Variants in PLCB2 observed in about 807,000 individuals in gnomAD.
The protein encoded by PLCB2 is 1-phosphatidylinositol 4,5-bisphosphate phosphodiesterase beta-2.
Under a neutral mutation model 141.7 loss-of-function variants are expected in PLCB2, and 115 were observed. That is an observed-to-expected ratio of 0.81 (90% confidence interval 0.70 to 0.95). PLCB2 has a LOEUF of 0.95. PLCB2 is among the 40% of genes least tolerant of loss of function. The pLI, the probability that PLCB2 is intolerant of heterozygous loss-of-function variation, is 0.00. For missense variants in PLCB2, 1,403 were observed against 1,541.1 expected (o/e 0.91, Z 1.50); for synonymous variants, 603 against 595.6 (o/e 1.01, Z -0.18).
intron 1 of PLCB2, 75 bp from the exon 2 acceptor site, chr15:40,304,153 G>T: frequency 1.0e-6 from 1 of 992,904 alleles, no homozygotes; most frequent in South Asian, 1.4e-5. Context: ...AGGGGTTTCA[G>T]AGCTCATTAT....
At chr15:40,302,841 C>G (rs1167789537) in intron 3 of PLCB2, among the ~76,000 whole-genome samples, 1 of 152,202 alleles carries the variant, frequency 6.6e-6, no homozygotes, top group Non-Finnish European at 1.5e-5. Flanking sequence ...GCGGGGAGGC[C>G]GGCCTGGGAG....
downstream of PLCB2, chr15:40,285,945 TG>T (rs892079573): frequency 3.0e-6 from 3 of 985,304 alleles, no homozygotes; most frequent in South Asian, 9.4e-5. Flanking sequence ...GAAGAAGAGT[TG>T]GGGCAGAAAG....
chr15:40,303,149 C>G (rs1223469952), intron 3 of PLCB2, 139 bp downstream of exon 3: 4 of 692,274 alleles, frequency 5.8e-6, no homozygotes, highest in Non-Finnish European at 1.0e-5. Flanking sequence ...TGGCTTCCAG[C>G]CACGGTCCTT....
chr15:40,292,263 A>C (rs1595641658), intron 22 of PLCB2, 76 bp downstream of exon 22: 1 of 1,503,524 alleles, frequency 6.7e-7, no homozygotes, highest in Non-Finnish European at 9.2e-7. Context: ...ATCCCACCCC[A>C]ACTCTGGAAG....
At chr15:40,306,095 T>A (rs1178792837) in intron 1 of PLCB2, among the ~76,000 whole-genome samples, 1 of 152,144 alleles carries the variant, frequency 6.6e-6, no homozygotes, top group Non-Finnish European at 1.5e-5. Flanking sequence ...GGGGAGAGCT[T>A]CTCCTACCAA....
rs369876928 is a variant in PLCB2, at chr15:40,296,646, A to G, written c.1487-12T>C. 6.0e-4 allele frequency: 962 copies of G among 1,612,632 alleles called. 2 individuals carry two copies. Among genetic ancestry groups the G allele is most frequent in the South Asian group, 1.5e-3 (135 of 90,996 alleles). On this transcript the variant is annotated splice_polypyrimidine_tract_variant and intron_variant, in intron 14 of 31. Transcript: ENST00000260402. ...CTCGCCAGCCCACACTGCCACATAC[A>G]GCTCTGTCGGCACTGGCTCCTGCAT...
downstream of PLCB2, chr15:40,284,676 C>T: frequency 1.5e-5 from 6 of 403,372 alleles, no homozygotes; most frequent in South Asian, 7.1e-5. Flanking sequence ...CCCGTCTCTA[C>T]TAAAAATACA....
downstream of PLCB2, among the ~76,000 whole-genome samples, chr15:40,285,172 C>T (rs536603764): frequency 2.6e-5 from 4 of 152,352 alleles, no homozygotes; most frequent in South Asian, 8.3e-4. Context: ...AGCAGAGGCT[C>T]CCACTCCCCT....
Position 40,291,413 on chromosome 15 carries a change from C to G in PLCB2, c.2722G>C (p.Glu908Gln). The G allele has an allele frequency of 6.5e-7, 1 of 1,537,726 alleles. No individual in the cohort carries two copies. Among genetic ancestry groups the G allele is most frequent in the Non-Finnish European group, 8.7e-7 (1 of 1,147,204 alleles). The change falls in exon 26 of 32, where the codon GAG becomes CAG. Residue 908 changes from glutamate (E) to glutamine (Q), a missense_variant. Transcript: ENST00000260402. ...VVKLQRRHEK[E>Q]LRELERRGAR... is the part of the protein sequence containing the mutation. ...CCGCGCCGCTCCAACTCTCGCAGCT[C>G]CTTCTCGTGCCGCCGCTGCAGCTTC...
At chr15:40,291,678 G>T in intron 24 of PLCB2, 28 bp from the exon 25 acceptor site, 1 of 1,611,044 alleles carries the variant, frequency 6.2e-7, no homozygotes. Flanking sequence ...TGGGCTGTCA[G>T]GTGCTCTGGG....
At chr15:40,301,336 G>C in intron 7 of PLCB2, 1 of 572,796 alleles carries the variant, frequency 1.7e-6, no homozygotes, top group Non-Finnish European at 3.1e-6. Context: ...CCATTGGCCA[G>C]GCTTGAAGCC....
downstream of PLCB2, among the ~76,000 whole-genome samples, chr15:40,287,097 G>A (rs1164780845): frequency 6.6e-6 from 1 of 152,174 alleles, no homozygotes; most frequent in Non-Finnish European, 1.5e-5. Context: ...CCAGTGCCTG[G>A]CAGAAGGGTT....
intron 1 of PLCB2, among the ~76,000 whole-genome samples, chr15:40,305,429 A>G (rs1013961459): frequency 2.0e-5 from 3 of 152,086 alleles, no homozygotes; most frequent in African/African-American, 7.2e-5. Context: ...CAGGAGACCA[A>G]GTGGACTACA....
chr15:40,300,818 A>G (rs2040466253), intron 7 of PLCB2: 2 of 152,222 alleles, frequency 1.3e-5, no homozygotes, highest in African/African-American at 4.8e-5. Flanking sequence ...ATCACACTGG[A>G]AGGCCAACAT....
At chr15:40,289,927 AAGAGAGAGAGAGAGAGAGAGAGAGAGAG>A (rs58167971) in intron 30 of PLCB2, 70 bp downstream of exon 30, 70 of 544,344 alleles carry the variant, frequency 1.3e-4, no homozygotes, top group Admixed American at 2.8e-4. Context: ...CCTACTTGTG[AAGAGAGAGAGAGAGAGAGAGAGAGAGAG>A]AGAGAGAGAG....
rs779577620 is a variant in PLCB2 at position 40,291,318 on chromosome 15, C to T, written c.2817G>A (p.Val939=). The T allele has an allele frequency of 7.1e-6, 11 of 1,542,414 alleles. No homozygotes were observed. In the African/African-American group the frequency reaches 1.4e-4, roughly 19 times the overall value. The part of the protein sequence containing the change: ...AQLAELGPPG[V]GGVGACKLGP... ...CGAGCTTGCAGGCCCCGACGCCCCC[C>T]ACGCCCGGTGGCCCGAGCTCCGCCA... Residue 939 remains valine (V), a synonymous_variant, in exon 26 of 32, where the codon GTG becomes GTA. Coordinates refer to ENST00000260402, the MANE Select transcript of PLCB2 (RefSeq NM_004573.3).
rs2040217589 is a variant in PLCB2 at position 40,296,372 on chromosome 15, C to T, written c.1620G>A (p.Val540=). 1 of 1,613,798 alleles carries T rather than the reference C, an allele frequency of 6.2e-7. No individual in the cohort carries two copies. Among genetic ancestry groups the T allele is most frequent in the African/African-American group, 1.3e-5 (1 of 75,022 alleles). ...QSDEGTAGLE[V]TAYEEMSSLV... ...GGCTGGACATCTCCTCATAAGCCGTCACTTCCAGGCCCGCTGTGCCCTAAG... is the reference window on the plus strand; with the variant it reads ...GGCTGGACATCTCCTCATAAGCCGTTACTTCCAGGCCCGCTGTGCCCTAAG... The change falls in exon 16 of 32, where the codon GTG becomes GTA. Residue 540 remains valine, a synonymous_variant. Coordinates refer to ENST00000260402, the MANE Select transcript of PLCB2 (RefSeq NM_004573.3).
chr15:40,305,648 G>C (rs900164177), intron 1 of PLCB2, among the ~76,000 whole-genome samples: 1 of 152,200 alleles, frequency 6.6e-6, no homozygotes, highest in Non-Finnish European at 1.5e-5. Flanking sequence ...GAAATGCTGG[G>C]GGGACTTCAA....
rs983057413 is a variant in PLCB2 at position 40,287,917 on chromosome 15, C to T, written c.*798G>A. ...CAGGCTTAAGCAGGAAACACTGGGA[C>T]GAGGTTCTTTAATAGGAGTAGGAAA... On this transcript the variant is annotated 3_prime_UTR_variant, in exon 32 of 32. Coordinates refer to ENST00000260402, the MANE Select transcript of PLCB2 (RefSeq NM_004573.3). 72 of 983,972 alleles carry T rather than the reference C, an allele frequency of 7.3e-5. No individual in the cohort carries two copies. The highest frequency in any genetic ancestry group is 5.2e-4 in the Middle Eastern group (1 of 1,936). The allele number at this position is 983,972 out of a possible 1,614,324, so 61.0% of individuals were successfully genotyped here.
Sources: gnomAD v4.1 joint callset for allele counts (sites outside exome capture counted in the v4.1 genomes callset) on GRCh38, gnomAD v4.1.1 for gene constraint, MANE v1.5 for transcripts, NCBI Gene and HGNC (gene_info 2026-07-23, HGNC 2026-07-21) for gene names.